The following KGD4 variants were observed in gnomAD, a reference collection of about 807,000 sequenced individuals.
KGD4 encodes alpha-ketoglutarate dehydrogenase component 4.
the KGD4 span, chr5:69,229,275 A>T: frequency 6.6e-7 from 1 of 1,512,622 alleles, no homozygotes; most frequent in East Asian, 2.3e-5. Flanking sequence ...CTTTACAATA[A>T]AGGACTTCCA....
At chr5:69,228,301 C>T in the KGD4 span, 25 of 1,608,004 alleles carry the variant, frequency 1.6e-5, no homozygotes, top group Admixed American at 2.7e-4. Context: ...GTATCAGGGT[C>T]CACCAGACAC....
chr5:69,219,705 AAGAG>A, the KGD4 span, among the ~76,000 whole-genome samples: 6 of 152,156 alleles, frequency 3.9e-5, no homozygotes, highest in Admixed American at 2.6e-4. Context: ...AAAAGAAAAA[AAGAG>A]AGAATACAAC....
At chr5:69,225,682 G>A in the KGD4 span, among the ~76,000 whole-genome samples, 1 of 151,112 alleles carries the variant, frequency 6.6e-6, no homozygotes, top group Non-Finnish European at 1.5e-5. Flanking sequence ...GTTGGTTCAA[G>A]CAGTTCTCCT....
At chr5:69,225,553 C>T in the KGD4 span, among the ~76,000 whole-genome samples, 2 of 148,334 alleles carry the variant, frequency 1.3e-5, no homozygotes, top group African/African-American at 5.0e-5. Flanking sequence ...GTGTGAGCCA[C>T]CATGCTCAGC....
At chr5:69,224,423 G>A in the KGD4 span, among the ~76,000 whole-genome samples, 1 of 151,824 alleles carries the variant, frequency 6.6e-6, no homozygotes, top group African/African-American at 2.4e-5. Context: ...TGTTTTACGT[G>A]GGTCTTGGGA....
At chr5:69,225,261 C>CG in the KGD4 span, among the ~76,000 whole-genome samples, 1 of 116,746 alleles carries the variant, frequency 8.6e-6, no homozygotes, top group African/African-American at 3.3e-5. Context: ...CATAGCACCA[C>CG]ATTTTTTTTT....
At chr5:69,218,470 A>ATATG in the KGD4 span, among the ~76,000 whole-genome samples, 5 of 148,524 alleles carry the variant, frequency 3.4e-5, no homozygotes, top group African/African-American at 7.4e-5. Flanking sequence ...GTGTATATTA[A>ATATG]TGTGTGTGTG....
the KGD4 span, chr5:69,218,011 G>C: frequency 5.1e-6 from 7 of 1,365,868 alleles, no homozygotes; most frequent in Admixed American, 9.9e-5. Flanking sequence ...GCGCCCGCGG[G>C]TGTGTGTGAG....
chr5:69,217,804 C>T, the KGD4 span: 2 of 1,613,548 alleles, frequency 1.2e-6, no homozygotes, highest in South Asian at 1.1e-5. Flanking sequence ...CGCTCGCGCC[C>T]CGGAAACTGC....
chr5:69,229,847 A>G, the KGD4 span: 1 of 152,146 alleles, frequency 6.6e-6, no homozygotes, highest in Non-Finnish European at 1.5e-5. Context: ...CAAAAAGTGT[A>G]AAATGGAAAA....
At chr5:69,220,851 T>C in the KGD4 span, among the ~76,000 whole-genome samples, 1 of 152,212 alleles carries the variant, frequency 6.6e-6, no homozygotes, top group Admixed American at 6.5e-5. Context: ...GAAAAATTCT[T>C]CTGCCTTGGG....
chr5:69,228,606 A>G, the KGD4 span, among the ~76,000 whole-genome samples: 2 of 152,202 alleles, frequency 1.3e-5, no homozygotes, highest in African/African-American at 4.8e-5. Flanking sequence ...ATATAATCAC[A>G]TAAAAAACAG....
At chr5:69,228,796 C>T in the KGD4 span, among the ~76,000 whole-genome samples, 1 of 151,986 alleles carries the variant, frequency 6.6e-6, no homozygotes, top group Admixed American at 6.6e-5. Flanking sequence ...AGGTGGGTCA[C>T]CTGAGGTCAG....
chr5:69,229,491 T>C, the KGD4 span: 1 of 320,172 alleles, frequency 3.1e-6, no homozygotes, highest in Non-Finnish European at 5.6e-6. Context: ...CTCTTGATTA[T>C]CAAACATTAC....
the KGD4 span, among the ~76,000 whole-genome samples, chr5:69,218,648 A>C: frequency 6.6e-6 from 1 of 152,202 alleles, no homozygotes; most frequent in Non-Finnish European, 1.5e-5. Context: ...ATTATTATAT[A>C]AGTGGAACAC....
At chr5:69,218,790 C>G in the KGD4 span, among the ~76,000 whole-genome samples, 1 of 152,074 alleles carries the variant, frequency 6.6e-6, no homozygotes, top group African/African-American at 2.4e-5. Context: ...AGACCTTTTT[C>G]TAAATTCCTG....
the KGD4 span, among the ~76,000 whole-genome samples, chr5:69,228,870 C>T: frequency 6.6e-6 from 1 of 151,754 alleles, no homozygotes; most frequent in African/African-American, 2.4e-5. Context: ...CAAAAATTAG[C>T]TGGGTGTGGT....
the KGD4 span, chr5:69,229,845 G>A: frequency 2.0e-5 from 3 of 152,034 alleles, no homozygotes; most frequent in East Asian, 1.9e-4. Flanking sequence ...GTCAAAAAGT[G>A]TAAAATGGAA....
the KGD4 span, chr5:69,228,155 T>C: frequency 6.9e-7 from 1 of 1,450,834 alleles, no homozygotes. Flanking sequence ...TATTTTGACA[T>C]CTGAACAATT....
Sources: gnomAD v4.1 joint callset for allele counts (sites outside exome capture counted in the v4.1 genomes callset) on GRCh38, gnomAD v4.1.1 for gene constraint, MANE v1.5 for transcripts, NCBI Gene and HGNC (gene_info 2026-07-23, HGNC 2026-07-21) for gene names.